Variants in GALNTL6 observed in about 807,000 individuals in gnomAD.
GALNTL6 encodes the protein polypeptide N-acetylgalactosaminyltransferase like 6.
Under a neutral mutation model 73.7 loss-of-function variants are expected in GALNTL6, and 46 were observed. The ratio of observed to expected loss-of-function variants is 0.62; its 90% CI spans 0.49 to 0.80. The LOEUF (loss-of-function observed/expected upper bound fraction) is 0.80. Ranked by LOEUF, GALNTL6 falls within the 30% of genes least tolerant of loss-of-function variation. The pLI is 0.00. For missense variants in GALNTL6, 604 were observed against 755.0 expected (o/e 0.80, Z 2.34); for synonymous variants, 259 against 263.7 (o/e 0.98, Z 0.17).
At chr4:172,285,052 TATTA>T (rs996468690) in intron 3 of GALNTL6, among the ~76,000 whole-genome samples, 1 of 152,198 alleles carries the variant, frequency 6.6e-6, no homozygotes, top group African/African-American at 2.4e-5. Flanking sequence ...ATTGTAATAA[TATTA>T]ATTCTTCTGA....
intron 5 of GALNTL6, among the ~76,000 whole-genome samples, chr4:172,797,099 GAAA>G (rs1209609950): frequency 6.6e-6 from 1 of 152,048 alleles, no homozygotes; most frequent in African/African-American, 2.4e-5. Flanking sequence ...AAAAACTGAA[GAAA>G]AATAATACGG....
At chr4:171,842,551 C>T (rs939688121) in intron 2 of GALNTL6, among the ~76,000 whole-genome samples, 9 of 152,034 alleles carry the variant, frequency 5.9e-5, no homozygotes, top group African/African-American at 1.7e-4. Context: ...TGCTGTCATC[C>T]ACTTCTGGTG....
rs200800766 is a variant in GALNTL6, at chr4:171,956,011, T to TGGGG, written c.138+141294_138+141295insGGGG. Among the ~76,000 whole-genome samples the TGGGG allele has an allele frequency of 4.0e-5, 6 of 151,476 alleles. No individual in the cohort carries two copies. The East Asian group carries it at 7.8e-4, about 20-fold the overall frequency. ...TTACTTACTAATTTGTGTGTGTGTG[T>TGGGG]GTGGGACAGGGCCTCATTCTGTCAC... is the stretch of plus-strand genomic sequence containing the variant. On this transcript the variant is annotated intron_variant, in intron 2 of 12. Transcript: ENST00000506823.
chr4:172,763,558 G>A (rs945593633), intron 5 of GALNTL6, among the ~76,000 whole-genome samples: 11 of 152,128 alleles, frequency 7.2e-5, no homozygotes, highest in African/African-American at 2.7e-4. Context: ...CTAAGTAGAC[G>A]AATAATTACC....
chr4:172,654,174 G>A (rs1209053832), intron 5 of GALNTL6, among the ~76,000 whole-genome samples: 2 of 152,144 alleles, frequency 1.3e-5, no homozygotes, highest in Non-Finnish European at 2.9e-5. Context: ...CCATGCAAAT[G>A]GTAAAAGTGA....
At position 172,881,622 on chromosome 4, in the gene GALNTL6, G is replaced by A. The variant is rs905687171; in HGVS notation, c.924-1168G>A. ...CAGTTGTTCAATAAATTGGATTGGT[G>A]TCTACTATGGTTATGCATATCTTTT... On this transcript the variant is annotated intron_variant, in intron 7 of 12. Transcript: ENST00000506823. Among the ~76,000 whole-genome samples the A allele has an allele frequency of 2.0e-5, 3 of 152,178 alleles. No individual in the cohort carries two copies. In the South Asian group the frequency reaches 6.2e-4, roughly 32 times the overall value.
chr4:171,891,163 T>C (rs1736749243), intron 2 of GALNTL6, among the ~76,000 whole-genome samples: 1 of 152,212 alleles, frequency 6.6e-6, no homozygotes, highest in Non-Finnish European at 1.5e-5. Context: ...ATGATTCCAC[T>C]GACCTAATTC....
chr4:172,417,982 G>A (rs1023474052), intron 5 of GALNTL6, among the ~76,000 whole-genome samples: 1 of 152,108 alleles, frequency 6.6e-6, no homozygotes, highest in African/African-American at 2.4e-5. Flanking sequence ...ATACCTCTAT[G>A]ACTTTCAGAT....
chr4:171,944,047 T>C (rs528802473), intron 2 of GALNTL6, among the ~76,000 whole-genome samples: 11 of 152,150 alleles, frequency 7.2e-5, no homozygotes, highest in Admixed American at 3.3e-4. Context: ...ATGAAAATAC[T>C]TTCTGGAGTC....
At chr4:172,305,640 G>A (rs1190323802) in intron 3 of GALNTL6, among the ~76,000 whole-genome samples, 1 of 151,986 alleles carries the variant, frequency 6.6e-6, no homozygotes, top group Non-Finnish European at 1.5e-5. Flanking sequence ...GTTTGCAAAA[G>A]CAATGTAAGA....
chr4:172,314,855 C>T (rs553744777), intron 4 of GALNTL6, among the ~76,000 whole-genome samples: 14 of 152,296 alleles, frequency 9.2e-5, no homozygotes, highest in South Asian at 2.1e-4. Flanking sequence ...GGTGATCCGC[C>T]TGCCTCGGCC....
At chr4:172,160,215 T>C (rs1734410584) in intron 2 of GALNTL6, among the ~76,000 whole-genome samples, 1 of 151,870 alleles carries the variant, frequency 6.6e-6, no homozygotes, top group Admixed American at 6.6e-5. Context: ...TTACTAGGTA[T>C]ATTAGAGTGA....
chr4:172,855,134 C>T (rs1744056275), intron 7 of GALNTL6, among the ~76,000 whole-genome samples: 1 of 149,300 alleles, frequency 6.7e-6, no homozygotes, highest in Non-Finnish European at 1.5e-5. Context: ...GCAAAAGAAC[C>T]CACCTGAAGA....
intron 5 of GALNTL6, among the ~76,000 whole-genome samples, chr4:172,490,735 G>A (rs779278118): frequency 4.6e-5 from 7 of 152,088 alleles, no homozygotes; most frequent in Non-Finnish European, 1.0e-4. Flanking sequence ...AGAAAGATAA[G>A]AGAAGCAGAC....
At chr4:172,196,401 A>G (rs1367691669) in intron 2 of GALNTL6, among the ~76,000 whole-genome samples, 1 of 152,170 alleles carries the variant, frequency 6.6e-6, no homozygotes, top group Non-Finnish European at 1.5e-5. Context: ...TTCTGAAGCT[A>G]TTGCAAATAA....
chr4:172,588,765 C>A (rs1371663557), intron 5 of GALNTL6, among the ~76,000 whole-genome samples: 1 of 152,108 alleles, frequency 6.6e-6, no homozygotes, highest in African/African-American at 2.4e-5. Flanking sequence ...CATACAGTTT[C>A]CAGTTATGCA....
At chr4:172,575,111 G>C (rs1736911400) in intron 5 of GALNTL6, among the ~76,000 whole-genome samples, 1 of 152,038 alleles carries the variant, frequency 6.6e-6, no homozygotes, top group Admixed American at 6.6e-5. Flanking sequence ...AGTTATCAGG[G>C]GATTCCTAGC....
At chr4:172,796,337 G>T (rs1740261630) in intron 5 of GALNTL6, among the ~76,000 whole-genome samples, 1 of 151,972 alleles carries the variant, frequency 6.6e-6, no homozygotes, top group South Asian at 2.1e-4. Context: ...GTGGTCTTAG[G>T]CAAATTTCTT....
chr4:172,549,599 A>C (rs1735886019), intron 5 of GALNTL6, among the ~76,000 whole-genome samples: 1 of 152,068 alleles, frequency 6.6e-6, no homozygotes, highest in African/African-American at 2.4e-5. Context: ...CCACAATGCA[A>C]TTTAAAAAAA....
Sources: gnomAD v4.1 joint callset for allele counts (sites outside exome capture counted in the v4.1 genomes callset) on GRCh38, gnomAD v4.1.1 for gene constraint, MANE v1.5 for transcripts, NCBI Gene and HGNC (gene_info 2026-07-23, HGNC 2026-07-21) for gene names.